Variants in CYFIP1 observed in about 807,000 individuals in gnomAD.
The protein encoded by CYFIP1 is cytoplasmic FMR1 interacting protein 1.
CYFIP1 carries 58 observed loss-of-function variants against 163.5 expected under a neutral mutation model. That is an observed-to-expected ratio of 0.35 (90% CI 0.29 to 0.44). CYFIP1 has a LOEUF of 0.44. Ranked by LOEUF, CYFIP1 falls within the 20% of genes least tolerant of loss-of-function variation. The pLI, the probability that CYFIP1 is intolerant of heterozygous loss-of-function variation, is 1.00. For missense variants in CYFIP1, 1,338 were observed against 1,653.8 expected, an observed-to-expected ratio of 0.81 and a Z score of 3.31; for synonymous variants, 663 against 660.7, an observed-to-expected ratio of 1.00 and a Z score of -0.05.
intron 28 of CYFIP1, 85 bp from the exon 29 acceptor site, chr15:22,873,814 CAG>C: frequency 8.1e-7 from 1 of 1,229,098 alleles, no homozygotes; most frequent in Non-Finnish European, 1.2e-6. Context: ...TCTCTTGAGA[CAG>C]GGTCTTGCTC....
chr15:22,898,535 G>C (rs1301863551), intron 22 of CYFIP1, among the ~76,000 whole-genome samples: 3 of 152,068 alleles, frequency 2.0e-5, no homozygotes, highest in African/African-American at 7.2e-5. Flanking sequence ...GTAAAAATGA[G>C]CAATTCTTTC....
chr15:22,878,707 A>T (rs542630379), intron 26 of CYFIP1, among the ~76,000 whole-genome samples: 1 of 152,152 alleles, frequency 6.6e-6, no homozygotes, highest in Admixed American at 6.5e-5. Context: ...CATTAAAAAA[A>T]AAAAGGCTAC....
chr15:22,939,903 C>T (rs1392260091), intron 6 of CYFIP1, among the ~76,000 whole-genome samples: 1 of 152,184 alleles, frequency 6.6e-6, no homozygotes, highest in East Asian at 1.9e-4. Flanking sequence ...ACAAGCCCTG[C>T]CATGAAGCCG....
At position 22,917,704 on chromosome 15, in the gene CYFIP1, C is replaced by A. The variant is rs549391042; in HGVS notation, c.1674+84G>T. 1.3e-4 allele frequency: 192 copies of A among 1,453,806 alleles called. 3 individuals are homozygous for A. The East Asian group carries it at 4.7e-3, about 35-fold the overall frequency. The allele number at this position is 1,453,806 out of a possible 1,614,324, so 90.1% of individuals were successfully genotyped here. On this transcript the variant is annotated intron_variant, in intron 15 of 30. Coordinates refer to ENST00000617928, the MANE Select transcript of CYFIP1 (RefSeq NM_014608.6). The surrounding 1 kb of genome is among the most constrained non-coding windows in gnomAD (Gnocchi z 4.2). ...CAGGCAGCGAGGACCTCATTTAACC[C>A]GGGCCTCACCAGCCCCACCCGCTCA... is the stretch of plus-strand genomic sequence containing the variant.
At chr15:22,915,042 C>T in intron 16 of CYFIP1, 160 bp from the exon 17 acceptor site, 1 of 635,522 alleles carries the variant, frequency 1.6e-6, no homozygotes, top group Non-Finnish European at 2.5e-6. Context: ...GGGCCTTGCA[C>T]TAGGGACAGG....
chr15:22,980,175 G>GGA (rs1330737169), intron 1 of CYFIP1, 112 bp downstream of exon 1: 16 of 139,336 alleles, frequency 1.1e-4, no homozygotes, highest in Non-Finnish European at 2.2e-4. Flanking sequence ...GGGTTGGGGG[G>GGA]GAGGGGGGGG....
At chr15:22,925,613 G>A (rs1295388616) in intron 13 of CYFIP1, among the ~76,000 whole-genome samples, 1 of 152,212 alleles carries the variant, frequency 6.6e-6, no homozygotes, top group Non-Finnish European at 1.5e-5. Flanking sequence ...ATGCTGGAAT[G>A]AAGAGCTGCC....
At chr15:22,978,354 A>C (rs944025155) in intron 1 of CYFIP1, among the ~76,000 whole-genome samples, 3 of 65,196 alleles carry the variant, frequency 4.6e-5, no homozygotes, top group African/African-American at 1.5e-4. Context: ...CTCTGTCACA[A>C]AAAAAAAAAA....
intron 1 of CYFIP1, among the ~76,000 whole-genome samples, chr15:22,949,868 G>A (rs759510913): frequency 2.6e-5 from 4 of 151,518 alleles, no homozygotes; most frequent in East Asian, 1.9e-4. Context: ...ACAGCCAGGC[G>A]CTGCAGTCCC....
chr15:22,953,176 A>G (rs1020653887), intron 1 of CYFIP1, among the ~76,000 whole-genome samples: 1 of 152,192 alleles, frequency 6.6e-6, no homozygotes, highest in African/African-American at 2.4e-5. Context: ...CAAGTCTCCA[A>G]GGTCTCAGCC....
chr15:22,888,960 G>A (rs571390125), intron 23 of CYFIP1, among the ~76,000 whole-genome samples: 272 of 150,810 alleles, frequency 1.8e-3, no homozygotes, highest in African/African-American at 6.4e-3. Flanking sequence ...CGAATCACTG[G>A]AATCACAATA....
At chr15:22,922,011 G>T (rs1566975713) in intron 13 of CYFIP1, among the ~76,000 whole-genome samples, 2 of 152,146 alleles carry the variant, frequency 1.3e-5, no homozygotes. Context: ...ATCTGCACAT[G>T]CGAGAGAATC....
At chr15:22,871,873 T>A (rs2059441804) in intron 30 of CYFIP1, among the ~76,000 whole-genome samples, 1 of 152,112 alleles carries the variant, frequency 6.6e-6, no homozygotes, top group African/African-American at 2.4e-5. Flanking sequence ...ACTGGCCCCA[T>A]GAGACTGAGC....
chr15:22,943,447 G>T, intron 5 of CYFIP1, 93 bp from the exon 6 acceptor site: 2 of 1,339,230 alleles, frequency 1.5e-6, no homozygotes, highest in Non-Finnish European at 2.1e-6. Context: ...ACTGCTCCTC[G>T]ATGAGAAACG....
chr15:22,867,846 A>ATGTTTGTT lies in CYFIP1; in HGVS notation c.*2174_*2181dup, dbSNP rs3834955. ...CACTACATATTTTGGTTTCTAGAAA[A>ATGTTTGTT]TGTTTGTTTATGAAGAAGTCGATGG... On this transcript the variant is annotated 3_prime_UTR_variant, in exon 31 of 31. Coordinates refer to ENST00000617928, the MANE Select transcript of CYFIP1 (RefSeq NM_014608.6). 9 of 151,880 alleles carry ATGTTTGTT rather than the reference A, an allele frequency of 5.9e-5. No individual in the cohort carries two copies. Among genetic ancestry groups the ATGTTTGTT allele is most frequent in the Non-Finnish European group, 8.8e-5 (6 of 67,892 alleles). The allele number at this position is 151,880 out of a possible 1,614,324, so 9.4% of individuals were successfully genotyped here.
chr15:22,926,197 G>A, intron 12 of CYFIP1, 90 bp from the exon 13 acceptor site: 3 of 1,572,262 alleles, frequency 1.9e-6, no homozygotes, highest in Admixed American at 3.5e-5. Flanking sequence ...CCAAAGCCAG[G>A]CCAGCCTTCA....
intron 11 of CYFIP1, among the ~76,000 whole-genome samples, chr15:22,928,986 G>A (rs536058168): frequency 2.0e-5 from 3 of 151,706 alleles, no homozygotes; most frequent in South Asian, 4.2e-4. Context: ...TGGGAGGCCG[G>A]GGCAGGTGGA....
chr15:22,928,582 C>A (rs897679365), intron 11 of CYFIP1, among the ~76,000 whole-genome samples: 1 of 152,094 alleles, frequency 6.6e-6, no homozygotes, highest in African/African-American at 2.4e-5. Context: ...CTGTTACACG[C>A]GTGGGCTTGG....
At position 22,870,179 on chromosome 15, in the gene CYFIP1, ATCT is replaced by A; in HGVS notation, c.3608_3610del (p.Lys1203del). ...CTGGAACTTGCGAATTCTCTCCACC[ATCT>A]TCTTCAAAGGCTACAACCATCAAAG... On this transcript the variant is annotated inframe_deletion, in exon 31 of 31. Coordinates refer to ENST00000617928, the MANE Select transcript of CYFIP1 (RefSeq NM_014608.6). The A allele has an allele frequency of 4.3e-6, 7 of 1,609,908 alleles. No individual in the cohort carries two copies. The highest frequency in any genetic ancestry group is 5.1e-6 in the Non-Finnish European group (6 of 1,178,454).
Sources: allele counts gnomAD v4.1 joint callset (sites outside exome capture counted in the v4.1 genomes callset), GRCh38; gene constraint gnomAD v4.1.1; non-coding constraint Gnocchi (gnomAD v3.1); transcripts MANE v1.5; gene names NCBI Gene and HGNC (gene_info 2026-07-23, HGNC 2026-07-21).